The following TET3 variants were observed in gnomAD, a reference collection of about 807,000 sequenced individuals.
TET3 encodes the protein tet methylcytosine dioxygenase 3, also known as methylcytosine dioxygenase TET3.
In TET3, 19 loss-of-function variants were observed where a neutral mutation model predicts 141.4. The observed-to-expected ratio is 0.13, with a 90% CI of 0.09 to 0.20. The LOEUF is 0.20. Among genes scored for constraint, TET3 ranks in the 10% least tolerant of loss-of-function variants. The pLI is 1.00. For missense variants in TET3, 1,874 were observed against 2,356.9 expected (o/e 0.80, Z 4.24); for synonymous variants, 1,043 against 980.9 (o/e 1.06, Z -1.18).
intron 3 of TET3, among the ~76,000 whole-genome samples, chr2:74,023,540 GTTTAGTTATGATT>G (rs1347413198): frequency 6.6e-6 from 1 of 152,226 alleles, no homozygotes; most frequent in African/African-American, 2.4e-5. Flanking sequence ...ACAGCGCACA[GTTTAGTTATGATT>G]TTCAGGAGCA....
chr2:74,109,843 G>A (rs764022920), downstream of TET3, among the ~76,000 whole-genome samples: 12 of 152,136 alleles, frequency 7.9e-5, no homozygotes, highest in Admixed American at 2.0e-4. Flanking sequence ...GGAGCCCCAC[G>A]ATCTGGACAC....
intron 4 of TET3, among the ~76,000 whole-genome samples, chr2:74,052,284 GCTT>G (rs1687987952): frequency 6.6e-6 from 1 of 152,114 alleles, no homozygotes; most frequent in Non-Finnish European, 1.5e-5. Context: ...CTGAACAGGT[GCTT>G]CTTCAGTTGG....
In TET3 at chr2:74,087,179, G is replaced by C. The variant is rs1363762907; in HGVS notation, c.2680-651G>C. On this transcript the variant is annotated intron_variant, in intron 6 of 11. Coordinates refer to ENST00000409262, the MANE Select transcript of TET3 (RefSeq NM_001287491.2). The surrounding 1 kb of genome is among the most constrained non-coding windows in gnomAD (Gnocchi z 4.3). ...TCTCTTTAAGGCTGAGTAATACTTG[G>C]TTGTCTGTCTATACCACGTCGTACT... is the stretch of plus-strand genomic sequence containing the variant. Among the ~76,000 whole-genome samples, 1 of 152,134 alleles carries C rather than the reference G, an allele frequency of 6.6e-6. No individual in the cohort carries two copies. Among genetic ancestry groups the C allele is most frequent in the Non-Finnish European group, 1.5e-5 (1 of 68,026 alleles).
chr2:74,014,019 T>C (rs1323804617), intron 3 of TET3, among the ~76,000 whole-genome samples: 1 of 152,148 alleles, frequency 6.6e-6, no homozygotes, highest in Non-Finnish European at 1.5e-5. Flanking sequence ...TTTTTAACTT[T>C]CTTCATTTCT....
At chr2:74,121,046 G>A in the TET3 span, 1 of 151,942 alleles carries the variant, frequency 6.6e-6, no homozygotes, top group Non-Finnish European at 1.5e-5. Flanking sequence ...AGCAACTTGA[G>A]GCAAGTAAAA....
intron 4 of TET3, among the ~76,000 whole-genome samples, chr2:74,058,217 C>A (rs1291049254): frequency 6.6e-6 from 1 of 151,996 alleles, no homozygotes; most frequent in African/African-American, 2.4e-5. Flanking sequence ...GAAAGTTCAC[C>A]CCAAAACGGG....
chr2:74,133,072 ATTTTTTT>A, the TET3 span, among the ~76,000 whole-genome samples: 1 of 105,156 alleles, frequency 9.5e-6, no homozygotes, highest in African/African-American at 3.4e-5. Flanking sequence ...TAATTTTTGT[ATTTTTTT>A]TTTTTTTTTT....
At chr2:74,115,954 A>T in the TET3 span, among the ~76,000 whole-genome samples, 1 of 150,922 alleles carries the variant, frequency 6.6e-6, no homozygotes, top group East Asian at 2.0e-4. Context: ...GGACACGGCT[A>T]CAGTGAGATG....
At chr2:74,061,466 G>A (rs1293351679) in intron 4 of TET3, among the ~76,000 whole-genome samples, 1 of 146,774 alleles carries the variant, frequency 6.8e-6, no homozygotes, top group African/African-American at 2.6e-5. Context: ...CAGGGCGGGG[G>A]ACTGACCCCC....
At chr2:74,028,276 T>C (rs1056553465) in intron 3 of TET3, among the ~76,000 whole-genome samples, 2 of 151,076 alleles carry the variant, frequency 1.3e-5, no homozygotes, top group Non-Finnish European at 3.0e-5. Context: ...TGAGTTACCA[T>C]GCCTAGCCGT....
chr2:74,101,638 C>A lies in TET3; in HGVS notation c.4850C>A (p.Pro1617His). 6.2e-7 allele frequency: 1 copy of A among 1,613,470 alleles called. No individual in the cohort carries two copies. ...SLEEGPAEEPPSKGAVKEEKG... is the reference protein window; with the variant it reads ...SLEEGPAEEPHSKGAVKEEKG... ...GAGGAGGGGCCGGCTGAGGAGCCCC[C>A]CAGCAAGGGAGCGGTGAAGGAGGAG... Residue 1617 changes from proline to histidine, a missense_variant, in exon 12 of 12, where the codon CCC (proline) becomes CAC (histidine). Transcript: ENST00000409262. The surrounding 1 kb of genome is among the most constrained non-coding windows in gnomAD (Gnocchi z 8.5).
rs1323475161 is a variant in TET3 at position 73,986,471 on chromosome 2, G to A, written c.68G>A (p.Arg23His). 48 of 1,232,084 alleles carry A rather than the reference G, an allele frequency of 3.9e-5. No individual in the cohort carries two copies. The highest frequency in any genetic ancestry group is 4.7e-5 in the Non-Finnish European group (46 of 988,048). The allele number at this position is 1,232,084 out of a possible 1,614,324, so 76.3% of individuals were successfully genotyped here. ...CCAGGCCTTTATGACTTCCCTCAGC[G>A]CCAGGTGATGGTAGGGAGCTTCCCG... ...DLPGLYDFPQ[R>H]QVMVGSFPGS... The change falls in exon 2 of 12, where the codon CGC becomes CAC. Residue 23 changes from arginine to histidine, a missense_variant. By Grantham distance (29) the Arg-to-His change is conservative. Around this residue, in one of 10 missense-constraint regions of TET3, gnomAD observed 366 missense variants for 487.0 expected, o/e 0.75. Transcript: ENST00000409262.
chr2:74,053,081 G>A (rs1688032182), intron 4 of TET3, among the ~76,000 whole-genome samples: 1 of 152,084 alleles, frequency 6.6e-6, no homozygotes, highest in Non-Finnish European at 1.5e-5. Context: ...ACCCCTTAAA[G>A]CTTCAAAGAA....
intron 8 of TET3, among the ~76,000 whole-genome samples, chr2:74,092,448 G>T (rs1287397982): frequency 6.6e-6 from 1 of 152,164 alleles, no homozygotes; most frequent in Non-Finnish European, 1.5e-5. Flanking sequence ...GGCTGGGCTG[G>T]GCTGGGCTGG....
At chr2:74,079,898 G>A (rs1689709737) in intron 5 of TET3, among the ~76,000 whole-genome samples, 1 of 152,168 alleles carries the variant, frequency 6.6e-6, no homozygotes, top group Non-Finnish European at 1.5e-5. Flanking sequence ...GAGAGCTGGG[G>A]TTCTGAAGCC....
chr2:74,021,773 CTAA>C (rs1270290386), intron 3 of TET3, among the ~76,000 whole-genome samples: 1 of 152,188 alleles, frequency 6.6e-6, no homozygotes, highest in Non-Finnish European at 1.5e-5. Flanking sequence ...GGCCTGTGAA[CTAA>C]TGTTAACAAA....
chr2:74,001,336 A>T (rs1257808087), intron 2 of TET3, among the ~76,000 whole-genome samples: 1 of 152,158 alleles, frequency 6.6e-6, no homozygotes, highest in Non-Finnish European at 1.5e-5. Context: ...GCTCTCAAAC[A>T]TCCTAATTAA....
In TET3 at chr2:74,093,456, G is replaced by A; in HGVS notation, c.3130-73G>A. 4 of 1,482,760 alleles carry A rather than the reference G, an allele frequency of 2.7e-6. No individual in the cohort carries two copies. Among genetic ancestry groups the A allele is most frequent in the Non-Finnish European group, 3.6e-6 (4 of 1,109,490 alleles). 91.9% of individuals were successfully genotyped at this position (1,482,760 alleles called of 1,614,324 possible). On this transcript the variant is annotated intron_variant, in intron 9 of 11. Coordinates refer to ENST00000409262, the MANE Select transcript of TET3 (RefSeq NM_001287491.2). This position sits in a 1 kb window ranked among gnomAD's most constrained non-coding sequence, Gnocchi z 4.2. ...CTTAACATCCCTCCTTCCAAGACCT[G>A]GCCTCCCCAGGTGCAGAATCGGGGC...
In TET3 at chr2:74,107,865, CTG is replaced by C. The variant is rs1558806889; in HGVS notation, c.*5691_*5692del. On this transcript the variant is annotated 3_prime_UTR_variant, in exon 12 of 12. Coordinates refer to ENST00000409262, the MANE Select transcript of TET3 (RefSeq NM_001287491.2). ...TCAAGGCAATAGGATGTGTATTAAA[CTG>C]TAGATATTCTTAGTACAGTAAATTT... is the stretch of plus-strand genomic sequence containing the variant. 2 of 152,256 alleles carry C rather than the reference CTG, an allele frequency of 1.3e-5. No homozygotes were observed. Among genetic ancestry groups the C allele is most frequent in the Non-Finnish European group, 2.9e-5 (2 of 68,022 alleles). 9.4% of individuals were successfully genotyped at this position (152,256 alleles called of 1,614,324 possible).
Sources: allele counts gnomAD v4.1 joint callset (sites outside exome capture counted in the v4.1 genomes callset), GRCh38; gene constraint gnomAD v4.1.1; regional missense constraint gnomAD v4.1.1; non-coding constraint Gnocchi (gnomAD v3.1); transcripts MANE v1.5; gene names NCBI Gene and HGNC (gene_info 2026-07-23, HGNC 2026-07-21).